Variants in DAB1 observed in about 807,000 individuals in gnomAD.
DAB1 encodes DAB adaptor protein 1.
In DAB1, 15 loss-of-function variants were observed where a neutral mutation model predicts 64.6. The observed-to-expected ratio is 0.23, with a 90% CI of 0.16 to 0.36. DAB1 has a LOEUF of 0.36. Ranked by LOEUF, DAB1 falls within the 10% of genes least tolerant of loss-of-function variation. DAB1 has a pLI of 1.00. For synonymous variants in DAB1, 235 were observed against 251.9 expected (o/e 0.93, Z 0.64); for missense variants, 596 against 706.7 (o/e 0.84, Z 1.78).
chr1:58,294,865 C>CGTGTGTGTGTGT (rs55922554), intron 4 of DAB1, among the ~76,000 whole-genome samples: 7,731 of 137,534 alleles, frequency 0.056, 313 homozygotes, highest in Admixed American at 0.075. Flanking sequence ...TGGTCCAGAA[C>CGTGTGTGTGTGT]GTGTGTGTGT....
chr1:58,094,669 TG>T (rs1650877221), intron 5 of DAB1, among the ~76,000 whole-genome samples: 2 of 152,344 alleles, frequency 1.3e-5, no homozygotes, highest in South Asian at 4.1e-4. Context: ...TCAAAGTAAA[TG>T]TTCAAGAAAT....
chr1:57,861,422 C>T (rs1886138), intron 1 of DAB1, among the ~76,000 whole-genome samples: 11,505 of 152,202 alleles, frequency 0.076, 667 homozygotes, highest in Admixed American at 0.21. Context: ...TACAAGGGTG[C>T]TAATCCCAGT....
At chr1:58,160,871 T>C (rs541774793) in intron 4 of DAB1, among the ~76,000 whole-genome samples, 1 of 152,162 alleles carries the variant, frequency 6.6e-6, no homozygotes, top group African/African-American at 2.4e-5. Flanking sequence ...CTAATATATG[T>C]TGAAGAATGG....
intron 5 of DAB1, among the ~76,000 whole-genome samples, chr1:57,949,809 A>G (rs994475188): frequency 2.0e-5 from 3 of 152,182 alleles, no homozygotes; most frequent in Non-Finnish European, 4.4e-5. Flanking sequence ...AAGTTCCAGT[A>G]TCCTCCAAGA....
chr1:57,143,810 T>C (rs745642576), intron 3 of DAB1, among the ~76,000 whole-genome samples: 1 of 151,640 alleles, frequency 6.6e-6, no homozygotes, highest in Non-Finnish European at 1.5e-5. Context: ...TTTAATACTT[T>C]TACACACCTA....
At chr1:58,101,407 G>C (rs114696340) in intron 5 of DAB1, among the ~76,000 whole-genome samples, 2,936 of 152,280 alleles carry the variant, frequency 0.019, 46 homozygotes, top group Non-Finnish European at 0.031. Context: ...AATCGTATGG[G>C]ACAAGGCACT....
At chr1:57,366,249 T>C (rs1032821301) in intron 1 of DAB1, among the ~76,000 whole-genome samples, 5 of 152,236 alleles carry the variant, frequency 3.3e-5, no homozygotes, top group Non-Finnish European at 7.3e-5. Flanking sequence ...CCGTTTTACT[T>C]ATCAGGAAAT....
At chr1:57,863,678 G>A (rs1485428589) in intron 1 of DAB1, among the ~76,000 whole-genome samples, 1 of 152,150 alleles carries the variant, frequency 6.6e-6, no homozygotes, top group Non-Finnish European at 1.5e-5. Context: ...AGGAACAGAG[G>A]TGTTATGGAA....
At chr1:58,416,081 A>G (rs1644717206) in intron 3 of DAB1, among the ~76,000 whole-genome samples, 1 of 152,178 alleles carries the variant, frequency 6.6e-6, no homozygotes, top group South Asian at 2.1e-4. Flanking sequence ...TAAAGTAACA[A>G]AGAGGATGCA....
chr1:57,740,646 C>T (rs1256018380), intron 6 of DAB1, among the ~76,000 whole-genome samples: 2 of 152,130 alleles, frequency 1.3e-5, no homozygotes, highest in African/African-American at 4.8e-5. Context: ...GTTTCAGCAT[C>T]CTCACAGATT....
At chr1:57,373,993 C>A (rs1680705214) in intron 1 of DAB1, among the ~76,000 whole-genome samples, 1 of 152,016 alleles carries the variant, frequency 6.6e-6, no homozygotes, top group South Asian at 2.1e-4. Context: ...TTTTTTTGAG[C>A]CCAGAAAAAT....
At chr1:58,327,122 C>G (rs1423163676) in intron 4 of DAB1, among the ~76,000 whole-genome samples, 3 of 152,154 alleles carry the variant, frequency 2.0e-5, no homozygotes, top group Non-Finnish European at 4.4e-5. Context: ...TATGGATAAC[C>G]TTTTTGAATA....
chr1:57,836,795 C>G (rs967619180), intron 1 of DAB1, among the ~76,000 whole-genome samples: 2 of 152,158 alleles, frequency 1.3e-5, no homozygotes, highest in African/African-American at 4.8e-5. Context: ...TCCTGACACC[C>G]TTCCTATCTC....
intron 1 of DAB1, among the ~76,000 whole-genome samples, chr1:57,830,740 A>G (rs897141553): frequency 6.6e-6 from 1 of 152,158 alleles, no homozygotes; most frequent in African/African-American, 2.4e-5. Context: ...CCGATTTACT[A>G]TACCTAGACT....
intron 4 of DAB1, among the ~76,000 whole-genome samples, chr1:58,182,955 A>G (rs1412016304): frequency 6.6e-6 from 1 of 151,790 alleles, no homozygotes; most frequent in East Asian, 1.9e-4. Flanking sequence ...AGAAGTTGTC[A>G]TTATTTCTAG....
intron 3 of DAB1, among the ~76,000 whole-genome samples, chr1:58,419,139 C>T (rs191117456): frequency 1.7e-4 from 26 of 152,254 alleles, no homozygotes; most frequent in African/African-American, 6.0e-4. Context: ...CAGCTTCCAG[C>T]CCCATGTTTA....
intron 2 of DAB1, among the ~76,000 whole-genome samples, chr1:57,283,563 T>C (rs532313529): frequency 1.6e-4 from 25 of 152,310 alleles, no homozygotes; most frequent in African/African-American, 6.0e-4. Context: ...ATTATTTCCA[T>C]TTTACAGATG....
At chr1:57,333,748 T>C (rs1228786934) in intron 1 of DAB1, among the ~76,000 whole-genome samples, 1 of 152,224 alleles carries the variant, frequency 6.6e-6, no homozygotes, top group African/African-American at 2.4e-5. Flanking sequence ...AAGTAATATC[T>C]ATTAACTGCT....
At chr1:58,053,627 A>T (rs1647855434) in intron 5 of DAB1, among the ~76,000 whole-genome samples, 1 of 152,162 alleles carries the variant, frequency 6.6e-6, no homozygotes, top group Admixed American at 6.5e-5. Flanking sequence ...TCTAAACCAT[A>T]GCAGATGGTA....
Sources: allele counts gnomAD v4.1 joint callset (sites outside exome capture counted in the v4.1 genomes callset), GRCh38; gene constraint gnomAD v4.1.1; transcripts MANE v1.5; gene names NCBI Gene and HGNC (gene_info 2026-07-23, HGNC 2026-07-21).